The following TANGO6 variants were observed in gnomAD, a reference collection of about 807,000 sequenced individuals.
TANGO6 encodes the protein transport and Golgi organization protein 6 homolog.
In TANGO6, 90 loss-of-function variants were observed where a neutral mutation model predicts 114.2. The observed-to-expected ratio is 0.79, with a 90% CI of 0.66 to 0.94. The LOEUF is 0.94. Among genes scored for constraint, TANGO6 ranks in the 40% least tolerant of loss-of-function variants. The pLI is 0.00. For missense variants in TANGO6, 1,274 were observed against 1,315.3 expected (o/e 0.97, Z 0.49); for synonymous variants, 477 against 509.8 (o/e 0.94, Z 0.87).
chr16:69,037,815 C>T (rs990159208), intron 16 of TANGO6, among the ~76,000 whole-genome samples: 1 of 152,216 alleles, frequency 6.6e-6, no homozygotes, highest in Non-Finnish European at 1.5e-5. Context: ...CTGATAGATG[C>T]ACAAGTTGAT....
intron 17 of TANGO6, among the ~76,000 whole-genome samples, chr16:69,042,733 T>A (rs75552032): frequency 0.014 from 2,070 of 152,282 alleles, 51 homozygotes; most frequent in South Asian, 0.091. Context: ...ATTGCTCTTA[T>A]TGAGAATCCA....
chr16:68,981,839 G>A (rs1165016463), intron 15 of TANGO6, among the ~76,000 whole-genome samples: 5 of 152,106 alleles, frequency 3.3e-5, no homozygotes, highest in Admixed American at 6.6e-5. Flanking sequence ...TTAGATTTTA[G>A]GATTAGGGAT....
chr16:69,066,965 C>T (rs75075243), intron 17 of TANGO6, among the ~76,000 whole-genome samples: 1,879 of 152,206 alleles, frequency 0.012, 37 homozygotes, highest in African/African-American at 0.041. Flanking sequence ...GGTGCAATCA[C>T]GGCTCAGTAT....
chr16:68,984,130 G>C (rs1040841269), intron 15 of TANGO6, among the ~76,000 whole-genome samples: 4 of 152,134 alleles, frequency 2.6e-5, no homozygotes, highest in African/African-American at 9.7e-5. Flanking sequence ...TGAAAAGGGA[G>C]GTTGGAAGTG....
At chr16:68,964,179 A>G (rs545434973) in intron 14 of TANGO6, among the ~76,000 whole-genome samples, 1 of 152,204 alleles carries the variant, frequency 6.6e-6, no homozygotes, top group Admixed American at 6.5e-5. Flanking sequence ...AGAAATGGTA[A>G]ACATTTGAGT....
intron 17 of TANGO6, among the ~76,000 whole-genome samples, chr16:69,064,948 A>G (rs532382399): frequency 6.0e-4 from 92 of 152,278 alleles, no homozygotes; most frequent in Non-Finnish European, 1.1e-3. Flanking sequence ...ACTGGAAACA[A>G]TGAAGCCTGT....
chr16:69,083,465 T>TATGA lies in TANGO6; in HGVS notation c.3109-20_3109-19insATGA. On this transcript the variant is annotated intron_variant, in intron 17 of 17. Coordinates refer to ENST00000261778, the MANE Select transcript of TANGO6 (RefSeq NM_024562.2). The stretch of plus-strand genomic sequence containing the variant: ...TGCCGGCACAGTAGACAGGCGGTCA[T>TATGA]GGCTGTCTCTCTCATGCAGGTGCTG... 5 of 1,597,924 alleles carry TATGA rather than the reference T, an allele frequency of 3.1e-6. No homozygotes were observed. Among genetic ancestry groups the TATGA allele is most frequent in the Non-Finnish European group, 4.3e-6 (5 of 1,171,054 alleles).
chr16:68,916,366 C>T (rs1597018312), intron 11 of TANGO6, among the ~76,000 whole-genome samples: 1 of 152,192 alleles, frequency 6.6e-6, no homozygotes, highest in South Asian at 2.1e-4. Context: ...TGCGAGGGAT[C>T]TAGGTTGCGC....
chr16:69,046,472 C>T (rs530228212), intron 17 of TANGO6, among the ~76,000 whole-genome samples: 14 of 152,184 alleles, frequency 9.2e-5, no homozygotes, highest in Admixed American at 2.6e-4. Flanking sequence ...GTATGTGCCA[C>T]CACACGTGGC....
chr16:68,966,508 A>T (rs533747622), intron 14 of TANGO6, among the ~76,000 whole-genome samples: 10 of 152,220 alleles, frequency 6.6e-5, no homozygotes, highest in East Asian at 1.9e-4. Context: ...CATCTCAAAA[A>T]AAAATAAAAT....
At chr16:68,901,036 G>A (rs1272852099) in intron 8 of TANGO6, among the ~76,000 whole-genome samples, 3 of 152,276 alleles carry the variant, frequency 2.0e-5, no homozygotes, top group Admixed American at 6.5e-5. Flanking sequence ...CTCCTTTGTC[G>A]TAGAATTTAA....
intron 17 of TANGO6, among the ~76,000 whole-genome samples, chr16:69,052,431 G>A (rs1177300531): frequency 5.9e-5 from 9 of 151,780 alleles, no homozygotes; most frequent in Non-Finnish European, 1.3e-4. Context: ...ACCACACCCA[G>A]CTAATTTTTG....
intron 11 of TANGO6, among the ~76,000 whole-genome samples, chr16:68,912,244 T>G (rs1426824445): frequency 6.6e-6 from 1 of 152,194 alleles, no homozygotes; most frequent in East Asian, 1.9e-4. Context: ...ACGCCTGTAA[T>G]CTTAGCACTT....
chr16:68,922,393 G>T (rs1003229868), intron 12 of TANGO6, among the ~76,000 whole-genome samples: 1 of 152,056 alleles, frequency 6.6e-6, no homozygotes, highest in South Asian at 2.1e-4. Context: ...AAAATCAGCC[G>T]GGCTTGGTGG....
intron 14 of TANGO6, among the ~76,000 whole-genome samples, chr16:68,973,349 G>A (rs1220623212): frequency 1.3e-5 from 2 of 152,098 alleles, no homozygotes; most frequent in Non-Finnish European, 2.9e-5. Context: ...AGAGAAAATA[G>A]GAATAAACAA....
chr16:68,915,649 G>A (rs1007237632), intron 11 of TANGO6, among the ~76,000 whole-genome samples: 5 of 152,196 alleles, frequency 3.3e-5, no homozygotes, highest in African/African-American at 1.2e-4. Flanking sequence ...TCTAGAAAGC[G>A]CTAGTGTCCT....
At chr16:68,986,274 T>C (rs547170937) in intron 15 of TANGO6, among the ~76,000 whole-genome samples, 1 of 152,154 alleles carries the variant, frequency 6.6e-6, no homozygotes, top group Non-Finnish European at 1.5e-5. Flanking sequence ...ATATTTTGAA[T>C]GAGGACTGAG....
chr16:68,979,738 A>G (rs888955518), intron 15 of TANGO6, among the ~76,000 whole-genome samples: 17 of 152,052 alleles, frequency 1.1e-4, no homozygotes, highest in African/African-American at 3.9e-4. Flanking sequence ...TATTTTCCAT[A>G]TATTGACTAG....
At position 68,930,635 on chromosome 16, in the gene TANGO6, CT is replaced by C. The variant is rs35493432; in HGVS notation, c.2701+358del. 8.1e-3 allele frequency among the ~76,000 whole-genome samples: 1,086 copies of C among 134,110 alleles called. 4 individuals are homozygous for C. Among genetic ancestry groups the C allele is most frequent in the African/African-American group, 0.021 (725 of 35,328 alleles). The allele number at this position is 134,110 out of a possible 152,430, so 88.0% of individuals were successfully genotyped here. A position where few individuals can be genotyped will look rare whatever the true frequency, so the allele number is the denominator to read the frequency against. ...ACCTTTTATGTTAGTCGGCTACTGT[CT>C]TTTTTTTTTTTTTTTTTGAGACAGA... is the stretch of plus-strand genomic sequence containing the variant. On this transcript the variant is annotated intron_variant, in intron 14 of 17. Coordinates refer to ENST00000261778, the MANE Select transcript of TANGO6 (RefSeq NM_024562.2).
Sources: gnomAD v4.1 joint callset for allele counts (sites outside exome capture counted in the v4.1 genomes callset) on GRCh38, gnomAD v4.1.1 for gene constraint, MANE v1.5 for transcripts, NCBI Gene and HGNC (gene_info 2026-07-23, HGNC 2026-07-21) for gene names.